NUDT9: variants seen among roughly 807,000 people sequenced by gnomAD.
The protein encoded by NUDT9 is ADP-ribose pyrophosphatase.
A neutral mutation model predicts 41.0 loss-of-function variants in NUDT9; 31 were observed. The observed-to-expected ratio is 0.76, with a 90% CI of 0.57 to 1.02. The LOEUF is 1.02. Among genes scored for constraint, NUDT9 ranks in the 50% least tolerant of loss-of-function variants. The probability of loss-of-function intolerance (pLI) is 0.00; values close to 1 mark genes in which losing one functional copy is unlikely to be tolerated. For missense variants in NUDT9, 380 were observed against 431.4 expected, an observed-to-expected ratio of 0.88 and a Z score of 1.06; for synonymous variants, 146 against 147.6, an observed-to-expected ratio of 0.99 and a Z score of 0.08.
intron 1 of NUDT9, among the ~76,000 whole-genome samples, chr4:87,431,283 A>G (rs542972021): frequency 2.6e-5 from 4 of 152,274 alleles, no homozygotes; most frequent in African/African-American, 9.6e-5. Context: ...CTATTCCACT[A>G]GTCTATATGT....
In NUDT9 at chr4:87,457,755, G is replaced by T. The variant is rs1233441839; in HGVS notation, c.875-88G>T. Reference sequence around the variant, plus strand: ...GCCGGCTAGTACAATGATGATATAAGATTATTTTAAATAAGAATACTTGAC... The same window carrying T: ...GCCGGCTAGTACAATGATGATATAATATTATTTTAAATAAGAATACTTGAC... On this transcript the variant is annotated intron_variant, in intron 7 of 7. Transcript: ENST00000302174. 2.5e-6 allele frequency: 3 copies of T among 1,197,242 alleles called. No homozygotes were observed. In the African/African-American group the frequency reaches 4.8e-5, roughly 19 times the overall value. 74.2% of individuals were successfully genotyped at this position (1,197,242 alleles called of 1,614,324 possible). A position where few individuals can be genotyped will look rare whatever the true frequency, so the allele number is the denominator to read the frequency against.
chr4:87,428,606 A>G (rs1721538176), intron 1 of NUDT9, among the ~76,000 whole-genome samples: 3 of 152,246 alleles, frequency 2.0e-5, no homozygotes, highest in South Asian at 2.1e-4. Context: ...TCTTAAATGC[A>G]TATTATTAAC....
chr4:87,456,172 G>C (rs9654160), intron 7 of NUDT9, among the ~76,000 whole-genome samples: 32,584 of 152,108 alleles, frequency 0.21, 4,269 homozygotes, highest in Admixed American at 0.31. Flanking sequence ...CCTTCTTTCA[G>C]CTGTCTTCCC....
At chr4:87,426,451 C>G (rs1048659357) in intron 1 of NUDT9, among the ~76,000 whole-genome samples, 3 of 151,722 alleles carry the variant, frequency 2.0e-5, no homozygotes, top group Non-Finnish European at 4.4e-5. Context: ...GCACTGTCGC[C>G]CCAGCTGGTG....
At chr4:87,442,234 C>G (rs1722235191) in intron 4 of NUDT9, among the ~76,000 whole-genome samples, 1 of 152,162 alleles carries the variant, frequency 6.6e-6, no homozygotes, top group South Asian at 2.1e-4. Flanking sequence ...CAAGCCTGTA[C>G]AGCATGTTAC....
Position 87,454,396 on chromosome 4 carries a change from C to G in NUDT9, c.815C>G (p.Pro272Arg), listed in dbSNP as rs1179159632. The change falls in exon 7 of 8, where the codon CCT (proline) becomes CGT (arginine). Residue 272 changes from proline (P) to arginine (R), a missense_variant. By Grantham distance (103) the Pro-to-Arg change is moderately radical. Transcript: ENST00000302174. ...LVIYKGYVDD[P>R]RNTDNAWMET... ...ATATATAAGGGATATGTTGATGATC[C>G]TCGAAACACTGATAATGCATGGATG... 8.1e-6 allele frequency: 13 copies of G among 1,611,500 alleles called. No individual in the cohort carries two copies. The highest frequency in any genetic ancestry group is 1.1e-5 in the Non-Finnish European group (13 of 1,177,840).
At chr4:87,450,162 G>T (rs1421448189) in intron 5 of NUDT9, among the ~76,000 whole-genome samples, 1 of 152,054 alleles carries the variant, frequency 6.6e-6, no homozygotes, top group African/African-American at 2.4e-5. Context: ...ACCACACCTG[G>T]CCTGAAGTGG....
intron 7 of NUDT9, among the ~76,000 whole-genome samples, chr4:87,457,483 C>T (rs141260133): frequency 2.0e-5 from 3 of 152,134 alleles, no homozygotes; most frequent in African/African-American, 2.4e-5. Flanking sequence ...GTGATCTACC[C>T]GCCTCAGCTT....
chr4:87,453,576 TTC>T (rs1455262470), intron 6 of NUDT9, among the ~76,000 whole-genome samples: 1 of 151,604 alleles, frequency 6.6e-6, no homozygotes, highest in African/African-American at 2.4e-5. Flanking sequence ...ACTACAGGTG[TTC>T]TCCACCATGC....
At chr4:87,428,530 T>C (rs1001042997) in intron 1 of NUDT9, among the ~76,000 whole-genome samples, 1 of 79,936 alleles carries the variant, frequency 1.3e-5, no homozygotes, top group Non-Finnish European at 2.4e-5. Flanking sequence ...ATCCAGACAA[T>C]GGGATATTAT....
In NUDT9 at chr4:87,426,388, C is replaced by T. The variant is rs375610151; in HGVS notation, c.107+3376C>T. 3.3e-5 allele frequency among the ~76,000 whole-genome samples: 5 copies of T among 151,704 alleles called. No individual in the cohort carries two copies. In the East Asian group the frequency reaches 9.7e-4, roughly 29 times the overall value. On this transcript the variant is annotated intron_variant, in intron 1 of 7. Coordinates refer to ENST00000302174, the MANE Select transcript of NUDT9 (RefSeq NM_024047.5). ...GTGTGACCTTGGTAAACTTATTTAC[C>T]TCTCTGGGTCTTAATGTTCTTATTT...
At chr4:87,424,409 G>C (rs572028506) in intron 1 of NUDT9, among the ~76,000 whole-genome samples, 2 of 152,028 alleles carry the variant, frequency 1.3e-5, no homozygotes, top group African/African-American at 4.8e-5. Context: ...ACTGGCGCGC[G>C]CACGCCCGGC....
At chr4:87,441,788 G>T in intron 3 of NUDT9, 41 bp from the exon 4 acceptor site, 1 of 1,482,904 alleles carries the variant, frequency 6.7e-7, no homozygotes, top group South Asian at 1.2e-5. Context: ...TTAAAAAGAT[G>T]AACACATTCA....
At chr4:87,457,538 T>C (rs896214179) in intron 7 of NUDT9, among the ~76,000 whole-genome samples, 16 of 152,198 alleles carry the variant, frequency 1.1e-4, no homozygotes, top group Admixed American at 2.0e-4. Flanking sequence ...CTTGGACTGA[T>C]TTTGATGTAA....
rs1194872795 is a variant in NUDT9 at position 87,459,115 on chromosome 4, A to G, written c.*1094A>G. On this transcript the variant is annotated 3_prime_UTR_variant, in exon 8 of 8. Transcript: ENST00000302174. ...ACCATGGAATACTATGCAGCCGTAA[A>G]AAAGAATAAGATCATGTCCTCTGAA... is the stretch of plus-strand genomic sequence containing the variant. 6.6e-6 allele frequency: 1 copy of G among 152,240 alleles called. No homozygotes were observed. The highest frequency in any genetic ancestry group is 1.5e-5 in the Non-Finnish European group (1 of 68,044). The allele number at this position is 152,240 out of a possible 1,614,324, so 9.4% of individuals were successfully genotyped here. A position where few individuals can be genotyped will look rare whatever the true frequency, so the allele number is the denominator to read the frequency against.
intron 3 of NUDT9, among the ~76,000 whole-genome samples, chr4:87,439,520 G>C (rs1159912511): frequency 6.6e-6 from 1 of 152,032 alleles, no homozygotes; most frequent in South Asian, 2.1e-4. Flanking sequence ...GCTGGGCTTG[G>C]TGGCGGGTAC....
chr4:87,441,975 C>A, intron 4 of NUDT9, 60 bp downstream of exon 4: 2 of 1,208,428 alleles, frequency 1.7e-6, no homozygotes, highest in Non-Finnish European at 2.3e-6. Context: ...AAATTGCAGA[C>A]TGTAGCTATG....
Position 87,422,705 on chromosome 4 carries a change from A to G in NUDT9, c.-201A>G. On this transcript the variant is annotated 5_prime_UTR_variant, in exon 1 of 8. Coordinates refer to ENST00000302174, the MANE Select transcript of NUDT9 (RefSeq NM_024047.5). The stretch of plus-strand genomic sequence containing the variant: ...GGATTTTTCTCGATGCACTGGGGAA[A>G]GCGGTGGACTCTTATCGTGGGAGGG... 2.3e-6 allele frequency: 1 copy of G among 442,338 alleles called. No individual in the cohort carries two copies. Among genetic ancestry groups the G allele is most frequent in the Non-Finnish European group, 4.0e-6 (1 of 250,098 alleles). The allele number at this position is 442,338 out of a possible 1,614,324, so 27.4% of individuals were successfully genotyped here. A position where few individuals can be genotyped will look rare whatever the true frequency, so the allele number is the denominator to read the frequency against.
intron 1 of NUDT9, among the ~76,000 whole-genome samples, chr4:87,432,197 T>C (rs1042905549): frequency 1.3e-4 from 20 of 152,188 alleles, no homozygotes; most frequent in African/African-American, 3.6e-4. Context: ...AATATTCACA[T>C]ACACATAATG....
Sources: allele counts gnomAD v4.1 joint callset (sites outside exome capture counted in the v4.1 genomes callset), GRCh38; gene constraint gnomAD v4.1.1; transcripts MANE v1.5; gene names NCBI Gene and HGNC (gene_info 2026-07-23, HGNC 2026-07-21).